Variants in TFEC observed in about 807,000 individuals in gnomAD.
TFEC encodes transcription factor EC.
TFEC carries 31 observed loss-of-function variants against 41.6 expected under a neutral mutation model. The ratio of observed to expected loss-of-function variants is 0.74; its 90% CI spans 0.56 to 1.01. The LOEUF is 1.01. TFEC is among the 50% of genes least tolerant of loss of function. TFEC has a pLI of 0.00. For missense variants in TFEC, 402 were observed against 404.1 expected (o/e 0.99, Z 0.04); for synonymous variants, 143 against 140.6 (o/e 1.02, Z -0.12).
intron 3 of TFEC, among the ~76,000 whole-genome samples, chr7:116,063,075 A>G (rs1201344862): frequency 6.6e-6 from 1 of 152,234 alleles, no homozygotes; most frequent in Non-Finnish European, 1.5e-5. Flanking sequence ...TCAATACAAG[A>G]GAATACTACT....
intron 1 of TFEC, among the ~76,000 whole-genome samples, chr7:115,988,818 A>C (rs1489728817): frequency 6.6e-6 from 1 of 152,084 alleles, no homozygotes; most frequent in Non-Finnish European, 1.5e-5. Flanking sequence ...TGAAGTACAG[A>C]AAATCAAAGA....
rs1233524986 is a variant in TFEC at position 116,151,506 on chromosome 7, G to A, written c.-69+8284C>T. On this transcript the variant is annotated intron_variant, in intron 1 of 8. Coordinates refer to the TFEC transcript ENST00000484212. ...GATCCGCCCACCTCGGCCTCCCAAAGTGTTGAAATTACAGGCATGAGCCAC... is the reference window on the plus strand; with the variant it reads ...GATCCGCCCACCTCGGCCTCCCAAAATGTTGAAATTACAGGCATGAGCCAC... Among the ~76,000 whole-genome samples, 4 of 152,060 alleles carry A rather than the reference G, an allele frequency of 2.6e-5. No individual in the cohort carries two copies. The East Asian group carries it at 5.8e-4, about 22-fold the overall frequency.
At position 115,935,859 on chromosome 7, in the gene TFEC, AG is replaced by A. The variant is rs1793204585; in HGVS notation, c.*4691del. On this transcript the variant is annotated 3_prime_UTR_variant, in exon 8 of 8. Transcript: ENST00000265440. ...TTTCATCAGTAGAAAACACAATAGA[AG>A]TCATCTGATTATGCAGAAATACACA... 6.6e-6 allele frequency: 1 copy of A among 151,600 alleles called. No homozygotes were observed. Among genetic ancestry groups the A allele is most frequent in the Admixed American group, 6.6e-5 (1 of 15,192 alleles). The allele number at this position is 151,600 out of a possible 1,614,324, so 9.4% of individuals were successfully genotyped here. A position where few individuals can be genotyped will look rare whatever the true frequency, so the allele number is the denominator to read the frequency against.
rs567517492 is a variant in TFEC, at chr7:116,076,271, C to T, written c.198+34437G>A. Among the ~76,000 whole-genome samples, 18 of 152,260 alleles carry T rather than the reference C, an allele frequency of 1.2e-4. No homozygotes were observed. The South Asian group carries it at 3.5e-3, about 30-fold the overall frequency. On this transcript the variant is annotated intron_variant, in intron 3 of 8. Coordinates refer to the TFEC transcript ENST00000484212. ...ACACCATAGGACAAAAGAATCTGAA[C>T]AGTAGCCCTTGAGTACCAGATTTCC...
intron 3 of TFEC, among the ~76,000 whole-genome samples, chr7:116,060,660 T>C (rs1020939609): frequency 6.6e-6 from 1 of 151,956 alleles, no homozygotes; most frequent in Non-Finnish European, 1.5e-5. Context: ...AGCTAAATGA[T>C]AAGAAATTAT....
At chr7:116,047,854 G>T (rs750213284) in intron 3 of TFEC, among the ~76,000 whole-genome samples, 6 of 152,106 alleles carry the variant, frequency 3.9e-5, no homozygotes, top group Admixed American at 3.9e-4. Context: ...GCCTCCACTG[G>T]TGATACCAGG....
intron 3 of TFEC, among the ~76,000 whole-genome samples, chr7:116,056,982 A>G (rs1380792398): frequency 2.0e-5 from 3 of 152,106 alleles, no homozygotes; most frequent in Non-Finnish European, 4.4e-5. Context: ...AACAAGACTC[A>G]AATTGAACTT....
intron 1 of TFEC, among the ~76,000 whole-genome samples, chr7:116,159,597 T>C (rs557844507): frequency 1.1e-4 from 16 of 152,210 alleles, no homozygotes; most frequent in Non-Finnish European, 2.4e-4. Flanking sequence ...TAATCAAATA[T>C]CATCCATAAA....
chr7:116,096,118 C>T (rs1797447999), intron 3 of TFEC, among the ~76,000 whole-genome samples: 1 of 152,086 alleles, frequency 6.6e-6, no homozygotes, highest in African/African-American at 2.4e-5. Context: ...ACAACTCTTA[C>T]AGGACTTTTT....
chr7:116,120,443 G>T (rs1192041028), intron 1 of TFEC: 5 of 151,702 alleles, frequency 3.3e-5, no homozygotes, highest in African/African-American at 4.8e-5. Context: ...GGAATTTGTT[G>T]GAAAGACAGA....
intron 3 of TFEC, among the ~76,000 whole-genome samples, chr7:116,096,179 C>T (rs886614518): frequency 6.6e-6 from 1 of 152,092 alleles, no homozygotes; most frequent in African/African-American, 2.4e-5. Context: ...CAGCCAACAT[C>T]AACACTCCCC....
At chr7:116,044,145 T>G (rs563525674) in intron 3 of TFEC, among the ~76,000 whole-genome samples, 1 of 152,344 alleles carries the variant, frequency 6.6e-6, no homozygotes, top group South Asian at 2.1e-4. Context: ...AGTTGTAAAC[T>G]TGGGCCTCTG....
At chr7:116,088,790 T>C (rs912821043) in intron 3 of TFEC, among the ~76,000 whole-genome samples, 9 of 151,998 alleles carry the variant, frequency 5.9e-5, no homozygotes, top group African/African-American at 2.2e-4. Context: ...TATTATCATC[T>C]AAGTTATATA....
At chr7:116,106,083 T>C (rs1298759234) in intron 3 of TFEC, among the ~76,000 whole-genome samples, 1 of 152,100 alleles carries the variant, frequency 6.6e-6, no homozygotes, top group Non-Finnish European at 1.5e-5. Context: ...ACATAGAGTA[T>C]CTCTATTCAC....
At chr7:116,093,757 T>G (rs1055323782) in intron 3 of TFEC, among the ~76,000 whole-genome samples, 4 of 152,104 alleles carry the variant, frequency 2.6e-5, no homozygotes, top group Admixed American at 2.0e-4. Context: ...AAGATCAAAG[T>G]GTATGTTAGG....
At chr7:116,042,315 A>T (rs1796057581) in intron 3 of TFEC, among the ~76,000 whole-genome samples, 1 of 152,204 alleles carries the variant, frequency 6.6e-6, no homozygotes, top group Non-Finnish European at 1.5e-5. Context: ...ATATGAAGAG[A>T]AAACAACTAA....
At chr7:116,041,977 C>T (rs905018045) in intron 3 of TFEC, among the ~76,000 whole-genome samples, 4 of 151,720 alleles carry the variant, frequency 2.6e-5, no homozygotes, top group Non-Finnish European at 5.9e-5. Context: ...CAATCTGATA[C>T]AAAGCTACAA....
At position 115,936,342 on chromosome 7, in the gene TFEC, G is replaced by C. The variant is rs1337060788; in HGVS notation, c.*4209C>G. 6 of 151,644 alleles carry C rather than the reference G, an allele frequency of 4.0e-5. No individual in the cohort carries two copies. The highest frequency in any genetic ancestry group is 2.6e-4 in the Admixed American group (4 of 15,208). The allele number at this position is 151,644 out of a possible 1,614,324, so 9.4% of individuals were successfully genotyped here. A position where few individuals can be genotyped will look rare whatever the true frequency, so the allele number is the denominator to read the frequency against. ...GATGTAATTCCATGTAGCACATAGAGACTATGCCATTATCAATACTGAAAC... is the reference window on the plus strand; with the variant it reads ...GATGTAATTCCATGTAGCACATAGACACTATGCCATTATCAATACTGAAAC... On this transcript the variant is annotated 3_prime_UTR_variant, in exon 8 of 8. Coordinates refer to ENST00000265440, the MANE Select transcript of TFEC (RefSeq NM_012252.4).
intron 1 of TFEC, among the ~76,000 whole-genome samples, chr7:116,141,072 T>C (rs1798530964): frequency 6.6e-6 from 1 of 152,204 alleles, no homozygotes; most frequent in South Asian, 2.1e-4. Flanking sequence ...CAGAGGTTTG[T>C]AAACAGATGC....
Sources: gnomAD v4.1 joint callset for allele counts (sites outside exome capture counted in the v4.1 genomes callset) on GRCh38, gnomAD v4.1.1 for gene constraint, MANE v1.5 for transcripts, NCBI Gene and HGNC (gene_info 2026-07-23, HGNC 2026-07-21) for gene names.